The following CDKAL1 variants were observed in gnomAD, a reference collection of about 807,000 sequenced individuals.
CDKAL1 encodes CDKAL1 threonylcarbamoyladenosine tRNA methylthiotransferase.
A neutral mutation model predicts 68.2 loss-of-function variants in CDKAL1; 32 were observed. That is an observed-to-expected ratio of 0.47 (90% confidence interval 0.35 to 0.63). The LOEUF is 0.63. CDKAL1 is among the 30% of genes least tolerant of loss of function. The pLI is 0.00. For missense variants in CDKAL1, 606 were observed against 696.7 expected (o/e 0.87, Z 1.47); for synonymous variants, 234 against 244.3 (o/e 0.96, Z 0.39).
chr6:20,941,874 G>A (rs925817832), intron 9 of CDKAL1, among the ~76,000 whole-genome samples: 2 of 152,164 alleles, frequency 1.3e-5, no homozygotes, highest in Non-Finnish European at 2.9e-5. Context: ...AATTATTGGC[G>A]ATAAGGAATT....
chr6:20,713,954 TAAAC>T (rs1349455933), intron 5 of CDKAL1, among the ~76,000 whole-genome samples: 4 of 152,148 alleles, frequency 2.6e-5, no homozygotes, highest in Non-Finnish European at 5.9e-5. Context: ...TTTGGACTTT[TAAAC>T]AAACTATTTT....
intron 9 of CDKAL1, among the ~76,000 whole-genome samples, chr6:20,899,028 GAC>G (rs1761833661): frequency 6.6e-6 from 1 of 150,564 alleles, no homozygotes; most frequent in Non-Finnish European, 1.5e-5. Flanking sequence ...GGCCAATCAA[GAC>G]ACAGTTTCCT....
intron 5 of CDKAL1, among the ~76,000 whole-genome samples, chr6:20,736,651 A>G (rs567337056): frequency 2.4e-3 from 358 of 152,116 alleles, no homozygotes; most frequent in Non-Finnish European, 4.2e-3. Context: ...GGGCACCTGT[A>G]GTCCCAGCTA....
At chr6:21,154,491 A>G (rs149956783) in intron 13 of CDKAL1, among the ~76,000 whole-genome samples, 3 of 152,356 alleles carry the variant, frequency 2.0e-5, no homozygotes, top group African/African-American at 2.4e-5. Flanking sequence ...ATATCTGGAT[A>G]TATTAACCAA....
intron 5 of CDKAL1, among the ~76,000 whole-genome samples, chr6:20,671,666 C>G (rs1213414021): frequency 2.0e-5 from 3 of 152,004 alleles, no homozygotes; most frequent in Non-Finnish European, 4.4e-5. Flanking sequence ...TTTGTGTAAC[C>G]TAATTGTTCT....
intron 12 of CDKAL1, among the ~76,000 whole-genome samples, chr6:21,079,045 G>T (rs992267801): frequency 6.6e-6 from 1 of 152,160 alleles, no homozygotes; most frequent in Non-Finnish European, 1.5e-5. Context: ...GTGCCTGTGT[G>T]AGAGGAAGAA....
intron 10 of CDKAL1, among the ~76,000 whole-genome samples, chr6:20,996,205 G>A (rs1211970821): frequency 1.3e-5 from 2 of 152,222 alleles, no homozygotes; most frequent in Non-Finnish European, 2.9e-5. Flanking sequence ...CCAGACGACT[G>A]AAACTTTCTC....
intron 4 of CDKAL1, among the ~76,000 whole-genome samples, chr6:20,555,625 G>T (rs1199747156): frequency 1.8e-4 from 22 of 123,710 alleles, no homozygotes; most frequent in Non-Finnish European, 2.8e-4. Flanking sequence ...AGCCAGAGTT[G>T]TTTTTTTTTT....
chr6:21,138,109 A>G (rs1034587440), intron 13 of CDKAL1, among the ~76,000 whole-genome samples: 8 of 152,102 alleles, frequency 5.3e-5, no homozygotes, highest in Non-Finnish European at 1.0e-4. Context: ...ACATCCCTCA[A>G]CCCCAAAATG....
At chr6:20,721,544 T>C (rs947182457) in intron 5 of CDKAL1, among the ~76,000 whole-genome samples, 3 of 152,142 alleles carry the variant, frequency 2.0e-5, no homozygotes, top group African/African-American at 7.2e-5. Flanking sequence ...GGTAGCCCTT[T>C]AATATGTTGA....
At chr6:20,586,411 G>T (rs946959833) in intron 4 of CDKAL1, among the ~76,000 whole-genome samples, 2 of 152,226 alleles carry the variant, frequency 1.3e-5, no homozygotes, top group Non-Finnish European at 2.9e-5. Context: ...GCCAAGGTGG[G>T]TGGATCACCT....
At position 21,102,057 on chromosome 6, in the gene CDKAL1, G is replaced by A. The variant is rs150339462; in HGVS notation, c.1237-6344G>A. ...ACACCATTAGGAAGCTCTTTCTGAA[G>A]CACAAATTTGATCATTCGTCACTGT... On this transcript the variant is annotated intron_variant, in intron 12 of 15. Coordinates refer to ENST00000274695, the MANE Select transcript of CDKAL1 (RefSeq NM_017774.3). 1.5e-3 allele frequency among the ~76,000 whole-genome samples: 230 copies of A among 152,188 alleles called. 1 individual carries two copies. The highest frequency in any genetic ancestry group is 6.8e-3 in the Middle Eastern group (2 of 294).
At chr6:20,952,301 AC>A (rs201622887) in intron 9 of CDKAL1, among the ~76,000 whole-genome samples, 27 of 151,648 alleles carry the variant, frequency 1.8e-4, no homozygotes, top group Admixed American at 1.8e-3. Flanking sequence ...ACATATACTT[AC>A]CAAATTCCAA....
intron 8 of CDKAL1, among the ~76,000 whole-genome samples, chr6:20,803,271 C>T (rs1776440595): frequency 1.3e-5 from 2 of 152,136 alleles, no homozygotes; most frequent in Non-Finnish European, 2.9e-5. Flanking sequence ...CTCTCCTTTC[C>T]CTGTTACAAC....
intron 9 of CDKAL1, among the ~76,000 whole-genome samples, chr6:20,946,064 G>A (rs893589523): frequency 6.6e-6 from 1 of 152,098 alleles, no homozygotes; most frequent in Non-Finnish European, 1.5e-5. Context: ...GCTTTCACTG[G>A]CAAGTATAAT....
chr6:20,649,300 A>G lies in CDKAL1; in HGVS notation c.294A>G (p.Ala98=). The G allele has an allele frequency of 1.9e-6, 3 of 1,605,606 alleles. No homozygotes were observed. Among genetic ancestry groups the G allele is most frequent in the Non-Finnish European group, 2.6e-6 (3 of 1,176,454 alleles). Residue 98 remains alanine (A), a synonymous_variant, in exon 5 of 16, where the codon GCA becomes GCG. Transcript: ENST00000274695. ...AAYGYKITEN[A]SDADLWLLNS... ...TGTTCATTTTTTTAATAGAAAATGCATCCGATGCAGATTTATGGCTCCTGA... is the reference window on the plus strand; with the variant it reads ...TGTTCATTTTTTTAATAGAAAATGCGTCCGATGCAGATTTATGGCTCCTGA...
intron 7 of CDKAL1, among the ~76,000 whole-genome samples, chr6:20,764,265 A>G (rs1329252493): frequency 7.2e-5 from 11 of 152,214 alleles, no homozygotes; most frequent in Admixed American, 7.2e-4. Flanking sequence ...TGTTTTTACC[A>G]TTACGTCATG....
At chr6:21,039,463 C>T (rs115928266) in intron 11 of CDKAL1, among the ~76,000 whole-genome samples, 17 of 152,246 alleles carry the variant, frequency 1.1e-4, no homozygotes, top group Non-Finnish European at 2.4e-4. Flanking sequence ...GTACTGTTAA[C>T]CTAATGGAGA....
chr6:21,161,120 T>A (rs186025147), intron 13 of CDKAL1, among the ~76,000 whole-genome samples: 8 of 152,202 alleles, frequency 5.3e-5, no homozygotes, highest in Admixed American at 2.0e-4. Context: ...AGCCTGACCT[T>A]TGGTGTCAGC....
Sources: allele counts gnomAD v4.1 joint callset (sites outside exome capture counted in the v4.1 genomes callset), GRCh38; gene constraint gnomAD v4.1.1; transcripts MANE v1.5; gene names NCBI Gene and HGNC (gene_info 2026-07-23, HGNC 2026-07-21).